ANKS1B: variants seen among roughly 807,000 people sequenced by gnomAD.
ANKS1B encodes ankyrin repeat and sterile alpha motif domain-containing protein 1B.
Under a neutral mutation model 148.3 loss-of-function variants are expected in ANKS1B, and 36 were observed. That is an observed-to-expected ratio of 0.24 (90% CI 0.19 to 0.32). The LOEUF (loss-of-function observed/expected upper bound fraction) is 0.32. Ranked by LOEUF, ANKS1B falls within the 10% of genes least tolerant of loss-of-function variation. The pLI is 1.00. For missense variants in ANKS1B, 1,157 were observed against 1,542.6 expected (o/e 0.75, Z 4.19); for synonymous variants, 542 against 560.8 (o/e 0.97, Z 0.47).
intron 1 of ANKS1B, among the ~76,000 whole-genome samples, chr12:99,981,350 C>T (rs2095699875): frequency 6.6e-6 from 1 of 151,934 alleles, no homozygotes; most frequent in Admixed American, 6.6e-5. Flanking sequence ...TACCTGATTC[C>T]CCATTACATA....
At chr12:99,453,091 C>T (rs941502486) in intron 10 of ANKS1B, among the ~76,000 whole-genome samples, 4 of 151,984 alleles carry the variant, frequency 2.6e-5, no homozygotes, top group South Asian at 2.1e-4. Flanking sequence ...GAGATCGAGA[C>T]CATCCTGGCT....
chr12:99,147,655 G>C (rs533906603), intron 15 of ANKS1B, among the ~76,000 whole-genome samples: 1 of 152,206 alleles, frequency 6.6e-6, no homozygotes, highest in East Asian at 1.9e-4. Flanking sequence ...CTATTGAGTA[G>C]CTGGACAGCA....
At chr12:98,841,893 A>G (rs924107974) in intron 17 of ANKS1B, among the ~76,000 whole-genome samples, 2 of 152,076 alleles carry the variant, frequency 1.3e-5, no homozygotes, top group African/African-American at 4.8e-5. Flanking sequence ...TAAACCCATA[A>G]GAATGGCTAA....
intron 10 of ANKS1B, among the ~76,000 whole-genome samples, chr12:99,465,510 G>C (rs1260566413): frequency 3.9e-5 from 6 of 152,020 alleles, no homozygotes; most frequent in Non-Finnish European, 8.8e-5. Context: ...ATTGGATAAA[G>C]AGTCAAGACC....
chr12:98,868,382 G>A (rs1017167203), intron 17 of ANKS1B, among the ~76,000 whole-genome samples: 2 of 152,160 alleles, frequency 1.3e-5, no homozygotes, highest in Non-Finnish European at 2.9e-5. Context: ...ATCCATGGAT[G>A]GTGCATATTG....
intron 17 of ANKS1B, among the ~76,000 whole-genome samples, chr12:99,035,453 C>CT (rs752816227): frequency 2.0e-5 from 3 of 152,048 alleles, no homozygotes; most frequent in Non-Finnish European, 2.9e-5. Context: ...AGATCAGACC[C>CT]TTTTTTTGGT....
intron 10 of ANKS1B, among the ~76,000 whole-genome samples, chr12:99,455,324 G>A (rs1332886769): frequency 1.3e-5 from 2 of 152,160 alleles, no homozygotes; most frequent in Non-Finnish European, 2.9e-5. Context: ...ATAGGAGGCA[G>A]GACTAACTTG....
At chr12:99,243,109 A>C (rs1254915928) in intron 14 of ANKS1B, among the ~76,000 whole-genome samples, 3 of 152,222 alleles carry the variant, frequency 2.0e-5, no homozygotes, top group Non-Finnish European at 4.4e-5. Context: ...ATGCGAGAAA[A>C]TTTTTGCAAT....
chr12:99,446,644 A>G (rs186901164), intron 10 of ANKS1B, among the ~76,000 whole-genome samples: 4 of 152,208 alleles, frequency 2.6e-5, no homozygotes, highest in Non-Finnish European at 2.9e-5. Context: ...ATGCATAGGT[A>G]TGATTGGGTT....
rs557552178 is a variant in ANKS1B at position 98,989,861 on chromosome 12, GC to G, written c.2778+63295del. Among the ~76,000 whole-genome samples the G allele has an allele frequency of 9.2e-5, 14 of 151,648 alleles. 2 individuals are homozygous for G. In the South Asian group the frequency reaches 2.5e-3, roughly 27 times the overall value. On this transcript the variant is annotated intron_variant, in intron 17 of 26. Transcript: ENST00000683438. ...TGAGCTATGATTGTGCCACTGCATT[GC>G]AGCCTAGGTGACAAAACAAGACCCC...
At chr12:99,462,470 T>G (rs2095996873) in intron 10 of ANKS1B, among the ~76,000 whole-genome samples, 1 of 152,174 alleles carries the variant, frequency 6.6e-6, no homozygotes, top group South Asian at 2.1e-4. Context: ...CTTTAACAGG[T>G]GTTGCCTCCG....
At position 99,531,415 on chromosome 12, in the gene ANKS1B, T is replaced by C. The variant is rs558875798; in HGVS notation, c.1273-26774A>G. On this transcript the variant is annotated intron_variant, in intron 9 of 26. Coordinates refer to ENST00000683438, the MANE Select transcript of ANKS1B (RefSeq NM_001352186.2). Reference sequence around the variant, plus strand: ...TCAACTACACCACACAGTACACCTTTGTGTACCTATAACTTAGCTTCCAAT... The same window carrying C: ...TCAACTACACCACACAGTACACCTTCGTGTACCTATAACTTAGCTTCCAAT... Among the ~76,000 whole-genome samples the C allele has an allele frequency of 6.6e-5, 10 of 152,304 alleles. No homozygotes were observed. In the South Asian group the frequency reaches 2.1e-3, roughly 32 times the overall value.
At chr12:99,502,237 T>C (rs1308509167) in intron 10 of ANKS1B, among the ~76,000 whole-genome samples, 1 of 152,148 alleles carries the variant, frequency 6.6e-6, no homozygotes, top group Non-Finnish European at 1.5e-5. Flanking sequence ...TTAATGAAGC[T>C]TCCCCCCCTG....
chr12:99,106,375 G>A (rs2059223248), intron 15 of ANKS1B, among the ~76,000 whole-genome samples: 1 of 152,212 alleles, frequency 6.6e-6, no homozygotes, highest in African/African-American at 2.4e-5. Context: ...TCCAGGGTTA[G>A]GACAAGGGTC....
At chr12:99,204,105 T>C (rs1171083404) in intron 14 of ANKS1B, among the ~76,000 whole-genome samples, 1 of 152,252 alleles carries the variant, frequency 6.6e-6, no homozygotes, top group Non-Finnish European at 1.5e-5. Context: ...TAAACTCTTA[T>C]TTTGGTAACC....
chr12:99,894,459 T>C (rs1339851232), intron 1 of ANKS1B, among the ~76,000 whole-genome samples: 3 of 139,614 alleles, frequency 2.1e-5, no homozygotes, highest in Non-Finnish European at 3.0e-5. Flanking sequence ...CAGTGAGCCA[T>C]GGCCATGCCA....
intron 17 of ANKS1B, among the ~76,000 whole-genome samples, chr12:98,997,446 G>A (rs1226424473): frequency 6.7e-6 from 1 of 149,028 alleles, no homozygotes; most frequent in Non-Finnish European, 1.5e-5. Flanking sequence ...GCTGTCACCA[G>A]GCTGGAGTGC....
At chr12:99,370,255 A>G (rs1348850365) in intron 12 of ANKS1B, among the ~76,000 whole-genome samples, 1 of 152,162 alleles carries the variant, frequency 6.6e-6, no homozygotes, top group Non-Finnish European at 1.5e-5. Flanking sequence ...ACAAAGATCT[A>G]TGGATCTAGA....
chr12:99,464,668 G>A (rs752216266), intron 10 of ANKS1B, among the ~76,000 whole-genome samples: 59 of 152,298 alleles, frequency 3.9e-4, no homozygotes, highest in Non-Finnish European at 7.5e-4. Context: ...GAGCCGATGC[G>A]ATCAACTGGA....
Sources: allele counts gnomAD v4.1 joint callset (sites outside exome capture counted in the v4.1 genomes callset), GRCh38; gene constraint gnomAD v4.1.1; transcripts MANE v1.5; gene names NCBI Gene and HGNC (gene_info 2026-07-23, HGNC 2026-07-21).